Variants in PCBD2 observed in about 807,000 individuals in gnomAD.
The protein encoded by PCBD2 is pterin-4-alpha-carbinolamine dehydratase 2.
Under a neutral mutation model 16.4 loss-of-function variants are expected in PCBD2, and 12 were observed. The ratio of observed to expected loss-of-function variants is 0.73; its 90% CI spans 0.47 to 1.19. PCBD2 has a LOEUF of 1.19. PCBD2 is among the 50% of genes most tolerant of loss of function. PCBD2 has a pLI of 0.00. For synonymous variants in PCBD2, 58 were observed against 61.8 expected, an observed-to-expected ratio of 0.94 and a Z score of 0.29; for missense variants, 138 against 156.8, an observed-to-expected ratio of 0.88 and a Z score of 0.64.
At chr5:134,931,406 G>T (rs1561911257) in intron 2 of PCBD2, among the ~76,000 whole-genome samples, 1 of 152,174 alleles carries the variant, frequency 6.6e-6, no homozygotes, top group East Asian at 1.9e-4. Context: ...AGATTAGAGG[G>T]TTACAAAGTA....
At chr5:134,955,133 A>ATG (rs1427246035) in intron 2 of PCBD2, among the ~76,000 whole-genome samples, 1 of 151,602 alleles carries the variant, frequency 6.6e-6, no homozygotes, top group African/African-American at 2.4e-5. Flanking sequence ...GCTACAGTAT[A>ATG]TATATATATA....
chr5:134,940,865 C>T (rs1199069259), intron 2 of PCBD2, among the ~76,000 whole-genome samples: 2 of 151,940 alleles, frequency 1.3e-5, no homozygotes, highest in African/African-American at 4.8e-5. Flanking sequence ...CATGGTGGTT[C>T]ACGCCTGTAA....
At chr5:134,945,568 A>G (rs948085733) in intron 2 of PCBD2, among the ~76,000 whole-genome samples, 3 of 152,182 alleles carry the variant, frequency 2.0e-5, no homozygotes, top group Non-Finnish European at 4.4e-5. Flanking sequence ...ATTATTTTAA[A>G]TGTTTTCTCT....
chr5:134,956,174 A>G (rs1281996096), intron 2 of PCBD2, among the ~76,000 whole-genome samples: 1 of 152,224 alleles, frequency 6.6e-6, no homozygotes, highest in African/African-American at 2.4e-5. Flanking sequence ...TCCTGTGTAA[A>G]TGGTTTATCA....
chr5:134,932,609 A>G (rs1204465342), intron 2 of PCBD2, among the ~76,000 whole-genome samples: 1 of 152,032 alleles, frequency 6.6e-6, no homozygotes, highest in Admixed American at 6.5e-5. Context: ...GGCAGGGATT[A>G]TAGATGTGAG....
chr5:134,910,599 T>A, intron 2 of PCBD2, 133 bp downstream of exon 2: 1 of 1,139,584 alleles, frequency 8.8e-7, no homozygotes, highest in Non-Finnish European at 1.2e-6. Flanking sequence ...AAGAATTCAG[T>A]GATAGAGTGA....
chr5:134,907,346 C>T (rs1176564396), intron 1 of PCBD2, among the ~76,000 whole-genome samples: 3 of 152,016 alleles, frequency 2.0e-5, no homozygotes, highest in African/African-American at 7.3e-5. Context: ...TGGGTTCAAG[C>T]GATTCTCCTG....
chr5:134,961,901 A>G lies in PCBD2; in HGVS notation c.*1220A>G, dbSNP rs916387212. Among the ~76,000 whole-genome samples the G allele has an allele frequency of 2.6e-5, 4 of 152,136 alleles. No homozygotes were observed. Among genetic ancestry groups the G allele is most frequent in the African/African-American group, 9.6e-5 (4 of 41,486 alleles). ...CTCAGCCTCCAGAGTAGCTGGGACT[A>G]TAGGCAAGTGCCACCACGCCTGACT... On this transcript the variant is annotated 3_prime_UTR_variant, in exon 4 of 4. Coordinates refer to ENST00000254908, the MANE Select transcript of PCBD2 (RefSeq NM_032151.5).
At chr5:134,930,426 C>G (rs1272592478) in intron 2 of PCBD2, among the ~76,000 whole-genome samples, 1 of 152,140 alleles carries the variant, frequency 6.6e-6, no homozygotes, top group Non-Finnish European at 1.5e-5. Flanking sequence ...GGGACTTTTC[C>G]TCTCCCTCAT....
At chr5:134,947,561 G>T (rs1751311353) in intron 2 of PCBD2, among the ~76,000 whole-genome samples, 1 of 151,524 alleles carries the variant, frequency 6.6e-6, no homozygotes, top group African/African-American at 2.4e-5. Context: ...CTAATTTTTT[G>T]TATTTTTAGT....
intron 2 of PCBD2, among the ~76,000 whole-genome samples, chr5:134,922,496 C>T (rs1421903559): frequency 1.3e-5 from 2 of 152,120 alleles, no homozygotes; most frequent in East Asian, 3.8e-4. Context: ...AGTTATCAAA[C>T]ACTTACTGTA....
intron 2 of PCBD2, chr5:134,923,856 G>C (rs1317899928): frequency 5.1e-6 from 2 of 394,234 alleles, no homozygotes; most frequent in Admixed American, 4.4e-5. Flanking sequence ...ATGGGCGATC[G>C]ATGAGAAGGC....
At chr5:134,925,555 A>G in intron 2 of PCBD2, 2 of 398,332 alleles carry the variant, frequency 5.0e-6, no homozygotes, top group Non-Finnish European at 8.9e-6. Flanking sequence ...GGAGAAGGCC[A>G]CGATTTTTTT....
At chr5:134,908,664 CAA>C (rs540737382) in intron 1 of PCBD2, among the ~76,000 whole-genome samples, 53 of 60,566 alleles carry the variant, frequency 8.8e-4, no homozygotes, top group Admixed American at 4.3e-3. Context: ...GACTTGGTCT[CAA>C]AAAAAAAAAA....
rs374668944 is a variant in PCBD2, at chr5:134,911,320, C to G, written c.216+854C>G. 2.3e-4 allele frequency among the ~76,000 whole-genome samples: 35 copies of G among 152,312 alleles called. No individual in the cohort carries two copies. The East Asian group carries it at 4.1e-3, about 18-fold the overall frequency. On this transcript the variant is annotated intron_variant, in intron 2 of 3. Coordinates refer to ENST00000254908, the MANE Select transcript of PCBD2 (RefSeq NM_032151.5). Reference sequence around the variant, plus strand: ...ACCTTTTCTTAAAACCTGACCTCCCCCTTGGAAGTCAGCTTTAACAAGGTA... The same window carrying G: ...ACCTTTTCTTAAAACCTGACCTCCCGCTTGGAAGTCAGCTTTAACAAGGTA...
At chr5:134,923,020 C>T (rs1750923726) in intron 2 of PCBD2, among the ~76,000 whole-genome samples, 1 of 152,158 alleles carries the variant, frequency 6.6e-6, no homozygotes, top group South Asian at 2.1e-4. Context: ...AACACTTAAA[C>T]TATGGGTCAT....
chr5:134,954,292 C>T (rs368565429), intron 2 of PCBD2, among the ~76,000 whole-genome samples: 3 of 152,158 alleles, frequency 2.0e-5, no homozygotes, highest in African/African-American at 7.2e-5. Context: ...TTTAAGTATA[C>T]TTATGTCTCT....
chr5:134,933,180 T>C (rs1751119058), intron 2 of PCBD2, among the ~76,000 whole-genome samples: 1 of 152,168 alleles, frequency 6.6e-6, no homozygotes, highest in Admixed American at 6.5e-5. Flanking sequence ...GTCAGTTGCT[T>C]CTTTCATTTC....
chr5:134,955,342 T>C (rs1751402962), intron 2 of PCBD2, among the ~76,000 whole-genome samples: 1 of 146,168 alleles, frequency 6.8e-6, no homozygotes, highest in Non-Finnish European at 1.5e-5. Context: ...GGAGTCTTGC[T>C]CTGTCGTCAG....
Sources: gnomAD v4.1 joint callset for allele counts (sites outside exome capture counted in the v4.1 genomes callset) on GRCh38, gnomAD v4.1.1 for gene constraint, MANE v1.5 for transcripts, NCBI Gene and HGNC (gene_info 2026-07-23, HGNC 2026-07-21) for gene names.